The following IL2RA variants were observed in gnomAD, a reference collection of about 807,000 sequenced individuals.
IL2RA encodes the protein interleukin 2 receptor subunit alpha.
A neutral mutation model predicts 37.8 loss-of-function variants in IL2RA; 24 were observed. The observed-to-expected ratio is 0.63, with a 90% CI of 0.46 to 0.89. IL2RA has a LOEUF of 0.89. IL2RA is among the 40% of genes least tolerant of loss of function. IL2RA has a pLI of 0.00. For missense variants in IL2RA, 319 were observed against 348.6 expected, an observed-to-expected ratio of 0.92 and a Z score of 0.68; for synonymous variants, 125 against 114.6, an observed-to-expected ratio of 1.09 and a Z score of -0.58.
chr10:6,045,620 TC>T (rs1339862772), intron 1 of IL2RA, among the ~76,000 whole-genome samples: 4 of 152,232 alleles, frequency 2.6e-5, no homozygotes, highest in Non-Finnish European at 4.4e-5. Flanking sequence ...ACACTCTTTT[TC>T]TTTCTCTGAA....
In IL2RA at chr10:6,022,466, C is replaced by T. The variant is rs932696662; in HGVS notation, c.368-773G>A. 6.6e-6 allele frequency among the ~76,000 whole-genome samples: 1 copy of T among 152,196 alleles called. No individual in the cohort carries two copies. Among genetic ancestry groups the T allele is most frequent in the African/African-American group, 2.4e-5 (1 of 41,438 alleles). On this transcript the variant is annotated intron_variant, in intron 3 of 7. Coordinates refer to ENST00000379959, the MANE Select transcript of IL2RA (RefSeq NM_000417.3). The surrounding 1 kb of genome is among the most constrained non-coding windows in gnomAD (Gnocchi z 4.7). ...CCCCACCCACAGCCCCCAACCTGGA[C>T]ATATGGAATTGTATGTGCCCTCTAA...
Position 6,012,728 on chromosome 10 carries a change from GTGACT to G in IL2RA, c.*139_*143del. On this transcript the variant is annotated 3_prime_UTR_variant, in exon 8 of 8. Coordinates refer to ENST00000379959, the MANE Select transcript of IL2RA (RefSeq NM_000417.3). This position sits in a 1 kb window ranked among gnomAD's most constrained non-coding sequence, Gnocchi z 4.8. ...TTGCCACTGCCCCGTGTCCTGTGAT[GTGACT>G]TCAGAGCTTCCAAAACGCAGGCAAG... is the stretch of plus-strand genomic sequence containing the variant. 1 of 839,256 alleles carries G rather than the reference GTGACT, an allele frequency of 1.2e-6. No homozygotes were observed. Among genetic ancestry groups the G allele is most frequent in the South Asian group, 1.4e-5 (1 of 72,440 alleles). The allele number at this position is 839,256 out of a possible 1,614,324, so 52.0% of individuals were successfully genotyped here. A position where few individuals can be genotyped will look rare whatever the true frequency, so the allele number is the denominator to read the frequency against.
Position 6,054,603 on chromosome 10 carries a change from TCTCTAATTGGTCAG to T in IL2RA, c.64+7471_64+7484del, listed in dbSNP as rs1234481849. Reference sequence around the variant, plus strand: ...TAGTTGTCCTGGCAAACCCCTCATCTCTCTAATTGGTCAGCTCACTACTCATGGAACACGGTCCA... The same window carrying T: ...TAGTTGTCCTGGCAAACCCCTCATCTCTCACTACTCATGGAACACGGTCCA... On this transcript the variant is annotated intron_variant, in intron 1 of 7. Transcript: ENST00000379959. The surrounding 1 kb of genome is among the most constrained non-coding windows in gnomAD (Gnocchi z 4.5). Among the ~76,000 whole-genome samples, 7 of 151,990 alleles carry T rather than the reference TCTCTAATTGGTCAG, an allele frequency of 4.6e-5. No individual in the cohort carries two copies. Among genetic ancestry groups the T allele is most frequent in the Admixed American group, 3.9e-4 (6 of 15,256 alleles).
rs1839250270 is a variant in IL2RA, at chr10:6,014,830, C to T, written c.795-1934G>A. Among the ~76,000 whole-genome samples the T allele has an allele frequency of 2.0e-5, 3 of 152,104 alleles. No homozygotes were observed. Among genetic ancestry groups the T allele is most frequent in the Non-Finnish European group, 4.4e-5 (3 of 68,022 alleles). The stretch of plus-strand genomic sequence containing the variant: ...CTGCAGTAATTTATACTTTTTAATT[C>T]CCATGAGGAAAATTAGGAGTATGTT... On this transcript the variant is annotated intron_variant, in intron 7 of 7. Transcript: ENST00000379959. The surrounding 1 kb of genome is among the most constrained non-coding windows in gnomAD (Gnocchi z 4.4).
In IL2RA at chr10:6,020,040, G is replaced by A. The variant is rs1465848777; in HGVS notation, c.584-99C>T. ...CAGGCAGCCGGCCCCAGACACGCCC[G>A]AGGAGGCAGGAATCCTGGTGTGGGC... On this transcript the variant is annotated intron_variant, in intron 4 of 7. Coordinates refer to ENST00000379959, the MANE Select transcript of IL2RA (RefSeq NM_000417.3). This position sits in a 1 kb window ranked among gnomAD's most constrained non-coding sequence, Gnocchi z 5.6. The A allele has an allele frequency of 8.3e-6, 8 of 967,084 alleles. No homozygotes were observed. The highest frequency in any genetic ancestry group is 2.4e-5 in the East Asian group (1 of 41,568). 59.9% of individuals were successfully genotyped at this position (967,084 alleles called of 1,614,324 possible).
Position 6,028,433 on chromosome 10 carries a change from T to G in IL2RA, c.65-2408A>C, listed in dbSNP as rs1043883655. On this transcript the variant is annotated intron_variant, in intron 1 of 7. Coordinates refer to ENST00000379959, the MANE Select transcript of IL2RA (RefSeq NM_000417.3). This position sits in a 1 kb window ranked among gnomAD's most constrained non-coding sequence, Gnocchi z 4.1. Reference sequence around the variant, plus strand: ...GGGTTGTAGTTTTCCAATCCTGCTTTAGAGAAAGAGGCATCCCTAGGATGA... The same window carrying G: ...GGGTTGTAGTTTTCCAATCCTGCTTGAGAGAAAGAGGCATCCCTAGGATGA... Among the ~76,000 whole-genome samples, 4 of 152,178 alleles carry G rather than the reference T, an allele frequency of 2.6e-5. No homozygotes were observed. Among genetic ancestry groups the G allele is most frequent in the Admixed American group, 6.5e-5 (1 of 15,274 alleles).
rs751445826 is a variant in IL2RA, at chr10:6,021,644, A to C, written c.417T>G (p.Ile139Met). Residue 139 changes from isoleucine (I) to methionine (M), a missense_variant, in exon 4 of 8, where the codon ATT becomes ATG. Coordinates refer to ENST00000379959, the MANE Select transcript of IL2RA (RefSeq NM_000417.3). This position sits in a 1 kb window ranked among gnomAD's most constrained non-coding sequence, Gnocchi z 4.9. ...CCATCTGCCCCACCACGAAATGATA[A>C]ATTCTCTCTGTGGCTTCATTTTCCC... is the stretch of plus-strand genomic sequence containing the variant. ...PPWENEATER[I>M]YHFVVGQMVY... 82 of 1,613,918 alleles carry C rather than the reference A, an allele frequency of 5.1e-5. No individual in the cohort carries two copies. The highest frequency in any genetic ancestry group is 5.3e-5 in the Non-Finnish European group (62 of 1,180,010).
chr10:6,039,566 T>G (rs897558866), intron 1 of IL2RA: 2 of 151,990 alleles, frequency 1.3e-5, no homozygotes, highest in East Asian at 1.9e-4. Context: ...TACAAGGCAG[T>G]AGAGGAGTTG....
At chr10:6,050,932 C>T (rs1013461249) in intron 1 of IL2RA, among the ~76,000 whole-genome samples, 1 of 152,118 alleles carries the variant, frequency 6.6e-6, no homozygotes, top group South Asian at 2.1e-4. Flanking sequence ...AGTGAAAGCC[C>T]GAAGTGCAGT....
intron 1 of IL2RA, among the ~76,000 whole-genome samples, chr10:6,041,020 G>T (rs1256105227): frequency 2.6e-5 from 4 of 151,814 alleles, no homozygotes; most frequent in Non-Finnish European, 5.9e-5. Flanking sequence ...AATGTGCTAA[G>T]TTCTGAACAG....
At chr10:6,027,890 T>C (rs12572054) in intron 1 of IL2RA, among the ~76,000 whole-genome samples, 10,356 of 152,244 alleles carry the variant, frequency 0.068, 569 homozygotes, top group East Asian at 0.32. Flanking sequence ...AGAAGATAAA[T>C]CTGTTACTAA....
At chr10:6,032,392 T>C (rs1311494342) in intron 1 of IL2RA, among the ~76,000 whole-genome samples, 1 of 152,048 alleles carries the variant, frequency 6.6e-6, no homozygotes, top group East Asian at 1.9e-4. Flanking sequence ...TCCAGAGACA[T>C]TAAGAAAATG....
At chr10:6,041,078 A>T (rs1417424829) in intron 1 of IL2RA, among the ~76,000 whole-genome samples, 1 of 151,742 alleles carries the variant, frequency 6.6e-6, no homozygotes, top group Non-Finnish European at 1.5e-5. Flanking sequence ...GACTTTTAAC[A>T]TCACGAGTAC....
Position 6,058,602 on chromosome 10 carries a change from A to G in IL2RA, c.64+3486T>C, listed in dbSNP as rs765094732. On this transcript the variant is annotated intron_variant, in intron 1 of 7. Transcript: ENST00000379959. The surrounding 1 kb of genome is among the most constrained non-coding windows in gnomAD (Gnocchi z 4.2). The stretch of plus-strand genomic sequence containing the variant: ...GACAAAGGTGAAGATGGGAAATTCC[A>G]TTGTGGGCAGTTGTCTTTACAAGAA... 9.2e-5 allele frequency among the ~76,000 whole-genome samples: 14 copies of G among 152,246 alleles called. No homozygotes were observed. The highest frequency in any genetic ancestry group is 1.9e-4 in the Non-Finnish European group (13 of 68,046).
Position 6,022,537 on chromosome 10 carries a change from C to A in IL2RA, c.368-844G>T, listed in dbSNP as rs1839404201. Among the ~76,000 whole-genome samples the A allele has an allele frequency of 1.3e-5, 2 of 152,186 alleles. No homozygotes were observed. ...CACGTGCTCTGAACTTCCAGACTCT[C>A]CCCAACCCTGCATACCCAACAGAGC... is the stretch of plus-strand genomic sequence containing the variant. On this transcript the variant is annotated intron_variant, in intron 3 of 7. Coordinates refer to ENST00000379959, the MANE Select transcript of IL2RA (RefSeq NM_000417.3). The surrounding 1 kb of genome is among the most constrained non-coding windows in gnomAD (Gnocchi z 4.7).
intron 1 of IL2RA, among the ~76,000 whole-genome samples, chr10:6,040,763 A>G (rs1839758700): frequency 6.6e-6 from 1 of 152,234 alleles, no homozygotes; most frequent in African/African-American, 2.4e-5. Flanking sequence ...AAAACTGGTA[A>G]CATAGATAAG....
chr10:6,061,376 T>C (rs941328253), intron 1 of IL2RA, among the ~76,000 whole-genome samples: 1 of 150,732 alleles, frequency 6.6e-6, no homozygotes, highest in African/African-American at 2.4e-5. Flanking sequence ...ACAGAGACAG[T>C]GTCAAAAAAA....
rs1211441473 is a variant in IL2RA, at chr10:6,056,929, AG to A, written c.64+5158del. ...CCCCGCCCTCCCTGTCCAGGGCAGG[AG>A]CACAGTGGACCACCTGCTGCCCCTG... On this transcript the variant is annotated intron_variant, in intron 1 of 7. Coordinates refer to ENST00000379959, the MANE Select transcript of IL2RA (RefSeq NM_000417.3). The surrounding 1 kb of genome is among the most constrained non-coding windows in gnomAD (Gnocchi z 5.0). Among the ~76,000 whole-genome samples the A allele has an allele frequency of 6.6e-6, 1 of 152,110 alleles. No homozygotes were observed. Among genetic ancestry groups the A allele is most frequent in the African/African-American group, 2.4e-5 (1 of 41,392 alleles).
Position 6,021,748 on chromosome 10 carries a change from G to T in IL2RA, c.368-55C>A, listed in dbSNP as rs1035484482. 32 of 1,471,360 alleles carry T rather than the reference G, an allele frequency of 2.2e-5. No homozygotes were observed. The African/African-American group carries it at 4.1e-4, about 19-fold the overall frequency. 91.1% of individuals were successfully genotyped at this position (1,471,360 alleles called of 1,614,324 possible). On this transcript the variant is annotated intron_variant, in intron 3 of 7. Transcript: ENST00000379959. This position sits in a 1 kb window ranked among gnomAD's most constrained non-coding sequence, Gnocchi z 4.9. Reference sequence around the variant, plus strand: ...AAGTTGGGGACAGCACCGCGAGTGAGTCCAGGTTGCCTCTTGCTAGGGACT... The same window carrying T: ...AAGTTGGGGACAGCACCGCGAGTGATTCCAGGTTGCCTCTTGCTAGGGACT...
Sources: gnomAD v4.1 joint callset for allele counts (sites outside exome capture counted in the v4.1 genomes callset) on GRCh38, gnomAD v4.1.1 for gene constraint, Gnocchi (gnomAD v3.1) non-coding constraint, MANE v1.5 for transcripts, NCBI Gene and HGNC (gene_info 2026-07-23, HGNC 2026-07-21) for gene names.